Variants in PYGO1 observed in about 807,000 individuals in gnomAD.
PYGO1 encodes the protein pygopus family PHD finger 1.
A neutral mutation model predicts 29.5 loss-of-function variants in PYGO1; 6 were observed. The observed-to-expected ratio is 0.20, with a 90% CI of 0.11 to 0.40. The LOEUF (loss-of-function observed/expected upper bound fraction) is 0.40. Ranked by LOEUF, PYGO1 falls within the 10% of genes least tolerant of loss-of-function variation. The pLI is 1.00. For synonymous variants in PYGO1, 186 were observed against 180.5 expected (o/e 1.03, Z -0.24); for missense variants, 515 against 514.9 (o/e 1.00, Z 0.00).
chr15:55,553,552 C>T (rs977639749), intron 1 of PYGO1, among the ~76,000 whole-genome samples: 1 of 152,058 alleles, frequency 6.6e-6, no homozygotes, highest in East Asian at 1.9e-4. Flanking sequence ...CTTGCCACCA[C>T]CACCACTTGC....
At chr15:55,568,320 CTGTGTGTGTGTGTGTGTGTG>C (rs58177433) in intron 1 of PYGO1, among the ~76,000 whole-genome samples, 12 of 125,828 alleles carry the variant, frequency 9.5e-5, no homozygotes, top group South Asian at 3.0e-4. Flanking sequence ...TTCCTAGGTA[CTGTGTGTGTGTGTGTGTGTG>C]TGTGTGTGTG....
At chr15:55,553,131 G>A (rs1434234885) in intron 1 of PYGO1, among the ~76,000 whole-genome samples, 7 of 152,172 alleles carry the variant, frequency 4.6e-5, no homozygotes, top group Non-Finnish European at 1.0e-4. Flanking sequence ...CCAGATCATG[G>A]CCAGACTACT....
chr15:55,587,811 C>G, intron 1 of PYGO1, 24 bp downstream of exon 1: 6 of 1,482,158 alleles, frequency 4.0e-6, no homozygotes, highest in Non-Finnish European at 4.5e-6. Flanking sequence ...CCGGTTCCCC[C>G]AATCCGGCAC....
At chr15:55,563,392 A>C (rs2058941758) in intron 1 of PYGO1, among the ~76,000 whole-genome samples, 1 of 147,900 alleles carries the variant, frequency 6.8e-6, no homozygotes, top group African/African-American at 2.5e-5. Flanking sequence ...TTTGAGACGA[A>C]GTCTTGCTCT....
chr15:55,566,223 T>A (rs547008181), intron 1 of PYGO1, among the ~76,000 whole-genome samples: 20 of 152,140 alleles, frequency 1.3e-4, no homozygotes, highest in African/African-American at 4.6e-4. Context: ...CTGCCCCTAA[T>A]TGCACTGCCC....
intron 1 of PYGO1, among the ~76,000 whole-genome samples, chr15:55,566,410 CTTT>C (rs879658021): frequency 2.0e-5 from 3 of 146,680 alleles, no homozygotes; most frequent in Admixed American, 6.8e-5. Context: ...AGATTTCATT[CTTT>C]TTTTTTTATG....
In PYGO1 at chr15:55,545,134, T is replaced by C. The variant is rs2058844044; in HGVS notation, c.*889A>G. 6.6e-6 allele frequency: 1 copy of C among 152,178 alleles called. No homozygotes were observed. 9.4% of individuals were successfully genotyped at this position (152,178 alleles called of 1,614,324 possible). A position where few individuals can be genotyped will look rare whatever the true frequency, so the allele number is the denominator to read the frequency against. ...ACTAGCAGAGCCCTCTAAGGCCAAA[T>C]GGATGTTTCTACCTTCCTCATCTGC... On this transcript the variant is annotated 3_prime_UTR_variant, in exon 3 of 3. Coordinates refer to ENST00000563719, the MANE Select transcript of PYGO1 (RefSeq NM_001367806.1).
At chr15:55,556,546 G>C (rs762195648) in intron 1 of PYGO1, among the ~76,000 whole-genome samples, 6 of 152,052 alleles carry the variant, frequency 3.9e-5, no homozygotes, top group Admixed American at 2.0e-4. Flanking sequence ...CAAAAAGCTC[G>C]AAAGATCTCA....
At chr15:55,554,042 T>G (rs1269608595) in intron 1 of PYGO1, among the ~76,000 whole-genome samples, 6 of 151,872 alleles carry the variant, frequency 4.0e-5, no homozygotes, top group Admixed American at 3.9e-4. Context: ...GTCAGCAACC[T>G]CAAAGAGCAA....
chr15:55,547,056 T>C lies in PYGO1; in HGVS notation c.227A>G (p.Tyr76Cys), dbSNP rs1274559127. 2.5e-6 allele frequency: 4 copies of C among 1,613,450 alleles called. No individual in the cohort carries two copies. Among genetic ancestry groups the C allele is most frequent in the South Asian group, 1.1e-5 (1 of 91,072 alleles). Residue 76 changes from tyrosine (Y) to cysteine (C), a missense_variant, in exon 3 of 3, where the codon TAT becomes TGT. Transcript: ENST00000563719. ...LVAANPFDDN[Y>C]NTISYKPLPS... ...TAGTGGTTTATAGGAAATAGTATTATAGTTGTCATCAAATGGATTAGCAGC... is the reference window on the plus strand; with the variant it reads ...TAGTGGTTTATAGGAAATAGTATTACAGTTGTCATCAAATGGATTAGCAGC...
At position 55,588,154 on chromosome 15, in the gene PYGO1, C is replaced by A. The variant is rs1466627268; in HGVS notation, c.-271G>T. 1.6e-6 allele frequency: 1 copy of A among 613,590 alleles called. No homozygotes were observed. The highest frequency in any genetic ancestry group is 2.0e-5 in the African/African-American group (1 of 49,730). The allele number at this position is 613,590 out of a possible 1,614,324, so 38.0% of individuals were successfully genotyped here. ...AGCGCGGCCTGGGGGCGGCCCCCCA[C>A]CCGGGGCCGGCATGTGCTGAGGGCG... On this transcript the variant is annotated 5_prime_UTR_variant, in exon 1 of 3. Coordinates refer to ENST00000563719, the MANE Select transcript of PYGO1 (RefSeq NM_001367806.1).
chr15:55,577,565 GAAGC>G, intron 1 of PYGO1, among the ~76,000 whole-genome samples: 1 of 151,412 alleles, frequency 6.6e-6, no homozygotes, highest in South Asian at 2.1e-4. Flanking sequence ...TTGGTCAAAA[GAAGC>G]AATGAAATCT....
chr15:55,569,102 C>G (rs1229602697), intron 1 of PYGO1, among the ~76,000 whole-genome samples: 1 of 151,702 alleles, frequency 6.6e-6, no homozygotes, highest in Non-Finnish European at 1.5e-5. Flanking sequence ...GATGATGGGA[C>G]TCATTCTACT....
At chr15:55,568,912 A>G (rs2058968736) in intron 1 of PYGO1, among the ~76,000 whole-genome samples, 1 of 152,158 alleles carries the variant, frequency 6.6e-6, no homozygotes. Flanking sequence ...GCTTATGTTG[A>G]ACCAACCTTG....
At position 55,551,004 on chromosome 15, in the gene PYGO1, G is replaced by A. The variant is rs551960832; in HGVS notation, c.50-2009C>T. 1.3e-4 allele frequency among the ~76,000 whole-genome samples: 20 copies of A among 152,190 alleles called. 1 individual carries two copies. The highest frequency in any genetic ancestry group is 7.2e-4 in the Admixed American group (11 of 15,280). On this transcript the variant is annotated intron_variant, in intron 1 of 2. Transcript: ENST00000563719. ...AAGAAATGCACAACCTAGATCCCTC[G>A]CATGCACAGTTCACAATAGGGTTCA...
intron 2 of PYGO1, 94 bp downstream of exon 2, chr15:55,548,816 T>C (rs539699496): frequency 1.7e-5 from 14 of 835,006 alleles, no homozygotes; most frequent in Admixed American, 5.4e-5. Flanking sequence ...ATCACTTGAA[T>C]AGAAAACAAA....
chr15:55,567,356 T>G (rs1339104244), intron 1 of PYGO1, among the ~76,000 whole-genome samples: 1 of 151,760 alleles, frequency 6.6e-6, no homozygotes, highest in African/African-American at 2.4e-5. Flanking sequence ...CACAAGCATG[T>G]GCCACCATAC....
chr15:55,547,366 A>T (rs188287845), intron 2 of PYGO1, among the ~76,000 whole-genome samples: 27 of 152,340 alleles, frequency 1.8e-4, no homozygotes, highest in Admixed American at 8.5e-4. Context: ...TTCCAAAAGA[A>T]AATAAAGTAT....
chr15:55,548,575 G>A (rs530543375), intron 2 of PYGO1, among the ~76,000 whole-genome samples: 5 of 151,132 alleles, frequency 3.3e-5, no homozygotes, highest in East Asian at 2.0e-4. Context: ...GCATGGTGGC[G>A]CGTGCCTGTA....
Sources: allele counts gnomAD v4.1 joint callset (sites outside exome capture counted in the v4.1 genomes callset), GRCh38; gene constraint gnomAD v4.1.1; transcripts MANE v1.5; gene names NCBI Gene and HGNC (gene_info 2026-07-23, HGNC 2026-07-21).